WWP1: variants seen among roughly 807,000 people sequenced by gnomAD.
The protein encoded by WWP1 is NEDD4-like E3 ubiquitin-protein ligase WWP1.
A neutral mutation model predicts 130.6 loss-of-function variants in WWP1; 49 were observed. The ratio of observed to expected loss-of-function variants is 0.38; its 90% confidence interval spans 0.30 to 0.48. The LOEUF is 0.48. Ranked by LOEUF, WWP1 falls within the 20% of genes least tolerant of loss-of-function variation. The pLI is 0.99. For missense variants in WWP1, 809 were observed against 1,100.6 expected (o/e 0.74, Z 3.75); for synonymous variants, 332 against 367.8 (o/e 0.90, Z 1.11).
intron 1 of WWP1, among the ~76,000 whole-genome samples, chr8:86,364,135 GA>G (rs1444251653): frequency 2.6e-5 from 4 of 152,176 alleles, no homozygotes; most frequent in Non-Finnish European, 4.4e-5. Context: ...TACTTGATTA[GA>G]ATTAATGAGA....
chr8:86,446,992 A>G (rs905165986), intron 18 of WWP1, among the ~76,000 whole-genome samples: 4 of 152,190 alleles, frequency 2.6e-5, no homozygotes, highest in African/African-American at 9.7e-5. Context: ...AACTCAGAAT[A>G]AGGAGTGGGG....
At chr8:86,361,759 C>T (rs1164502930) in intron 1 of WWP1, among the ~76,000 whole-genome samples, 3 of 151,934 alleles carry the variant, frequency 2.0e-5, no homozygotes, top group East Asian at 3.9e-4. Flanking sequence ...TTCCTGACAA[C>T]TCTTTACCTC....
At chr8:86,461,895 T>C (rs766234983) in intron 24 of WWP1, 49 bp downstream of exon 24, 1 of 1,490,402 alleles carries the variant, frequency 6.7e-7, no homozygotes, top group East Asian at 2.3e-5. Flanking sequence ...AGAGAATCTT[T>C]TGTTTTGTTT....
At chr8:86,459,844 C>T (rs1447308165) in intron 22 of WWP1, among the ~76,000 whole-genome samples, 1 of 152,140 alleles carries the variant, frequency 6.6e-6, no homozygotes, top group Admixed American at 6.5e-5. Context: ...ATGAATACTT[C>T]TGTTTTCTGA....
intron 3 of WWP1, 32 bp downstream of exon 3, chr8:86,374,152 C>T (rs751958525): frequency 2.0e-6 from 3 of 1,537,358 alleles, no homozygotes; most frequent in Non-Finnish European, 2.7e-6. Context: ...TATGGTGATT[C>T]CCTGATGAAC....
chr8:86,411,363 A>G (rs1463876044), intron 8 of WWP1, among the ~76,000 whole-genome samples, 175 bp from the exon 9 acceptor site: 1 of 152,116 alleles, frequency 6.6e-6, no homozygotes, highest in East Asian at 1.9e-4. Flanking sequence ...CAAAAATAAA[A>G]TCTCCATTTT....
chr8:86,433,190 A>G (rs1244668362), intron 14 of WWP1, among the ~76,000 whole-genome samples: 2 of 143,524 alleles, frequency 1.4e-5, no homozygotes, highest in African/African-American at 2.6e-5. Flanking sequence ...CTGTTCTTCT[A>G]TCTTTATTTT....
intron 5 of WWP1, among the ~76,000 whole-genome samples, chr8:86,391,192 C>T (rs775685299): frequency 1.3e-5 from 2 of 152,158 alleles, no homozygotes; most frequent in African/African-American, 2.4e-5. Flanking sequence ...CACATTTAAG[C>T]CCTAGTGAGC....
rs1422964603 is a variant in WWP1, at chr8:86,458,097, G to C, written c.2499+72G>C. 5 of 1,272,882 alleles carry C rather than the reference G, an allele frequency of 3.9e-6. No individual in the cohort carries two copies. In the East Asian group the frequency reaches 7.3e-5, roughly 19 times the overall value. The allele number at this position is 1,272,882 out of a possible 1,614,324, so 78.8% of individuals were successfully genotyped here. A position where few individuals can be genotyped will look rare whatever the true frequency, so the allele number is the denominator to read the frequency against. ...TAATGAAATGGTGGTTTTAAAAATA[G>C]CTTATTATTTTTAATTGAGACTGCT... On this transcript the variant is annotated intron_variant, in intron 22 of 24. Transcript: ENST00000517970.
chr8:86,387,402 C>A (rs1317505951), intron 5 of WWP1, among the ~76,000 whole-genome samples: 1 of 152,062 alleles, frequency 6.6e-6, no homozygotes, highest in African/African-American at 2.4e-5. Context: ...TTGTCTTGAC[C>A]ATAATCTTGA....
At chr8:86,389,869 C>T (rs955205383) in intron 5 of WWP1, among the ~76,000 whole-genome samples, 4 of 151,156 alleles carry the variant, frequency 2.6e-5, no homozygotes, top group Non-Finnish European at 4.4e-5. Flanking sequence ...GGCGGCTGGC[C>T]GGGCGGGGGC....
At chr8:86,366,608 A>G (rs369920628) in intron 1 of WWP1, among the ~76,000 whole-genome samples, 1 of 152,180 alleles carries the variant, frequency 6.6e-6, no homozygotes, top group Admixed American at 6.5e-5. Flanking sequence ...CATGGAAATG[A>G]AAAATCTAAC....
intron 5 of WWP1, among the ~76,000 whole-genome samples, chr8:86,388,630 G>C (rs909947457): frequency 2.0e-5 from 3 of 151,812 alleles, no homozygotes; most frequent in Non-Finnish European, 4.4e-5. Context: ...GATACTGTTA[G>C]TCATTCATTT....
intron 5 of WWP1, among the ~76,000 whole-genome samples, chr8:86,384,588 C>T (rs1825174668): frequency 6.6e-6 from 1 of 152,108 alleles, no homozygotes; most frequent in Admixed American, 6.5e-5. Flanking sequence ...TAAATGATAG[C>T]ATTCTTGGTT....
At chr8:86,456,412 G>T (rs906307602) in intron 21 of WWP1, among the ~76,000 whole-genome samples, 1 of 151,822 alleles carries the variant, frequency 6.6e-6, no homozygotes, top group Non-Finnish European at 1.5e-5. Context: ...AAAAAGATAA[G>T]AAAACATTTT....
chr8:86,402,004 C>T lies in WWP1; in HGVS notation c.540-15C>T. ...TTATACTTAAATGATTGAAATAAGG[C>T]ATTTTTTTTTCAAGGTTGGCTGTTG... is the stretch of plus-strand genomic sequence containing the variant. On this transcript the variant is annotated splice_polypyrimidine_tract_variant and intron_variant, in intron 7 of 24. Coordinates refer to ENST00000517970, the MANE Select transcript of WWP1 (RefSeq NM_007013.4). The T allele has an allele frequency of 6.5e-7, 1 of 1,535,228 alleles. No homozygotes were observed. Among genetic ancestry groups the T allele is most frequent in the African/African-American group, 1.4e-5 (1 of 71,782 alleles).
Position 86,431,717 on chromosome 8 carries a change from A to G in WWP1, c.1575A>G (p.Lys525=), listed in dbSNP as rs1314566886. Residue 525 remains lysine (K), a synonymous_variant, in exon 14 of 25, where the codon AAA becomes AAG. Transcript: ENST00000517970. ...VDHNTRTTTF[K]DPRNGKSSVT... ...ATAACACAAGAACAACAACATTCAAAGATCCTCGCAATGGGAAGTCATCTG... is the reference window on the plus strand; with the variant it reads ...ATAACACAAGAACAACAACATTCAAGGATCCTCGCAATGGGAAGTCATCTG... 20 of 1,613,942 alleles carry G rather than the reference A, an allele frequency of 1.2e-5. No individual in the cohort carries two copies. The highest frequency in any genetic ancestry group is 1.7e-5 in the Non-Finnish European group (20 of 1,179,898).
chr8:86,382,528 G>A (rs762360380), intron 5 of WWP1, among the ~76,000 whole-genome samples: 2 of 152,058 alleles, frequency 1.3e-5, no homozygotes, highest in Non-Finnish European at 2.9e-5. Flanking sequence ...GTGAAACCTC[G>A]CCTCTACTAA....
rs1309201981 is a variant in WWP1, at chr8:86,425,263, G to A, written c.1102G>A (p.Val368Met). The change falls in exon 10 of 25, where the codon GTG (valine) becomes ATG (methionine). Residue 368 changes from valine (V) to methionine (M), a missense_variant. Val to Met is a conservative substitution (Grantham distance 21). This residue lies in a region of WWP1 where 450 missense variants were observed against 674.2 expected (regional missense o/e 0.67). Coordinates refer to ENST00000517970, the MANE Select transcript of WWP1 (RefSeq NM_007013.4). ...RKDPHGRTYY[V>M]DHNTRTTTWE... ...AGATCCTCATGGTAGAACCTATTAT[G>A]TGGATCATAATACTCGAACTACCAC... 1 of 1,613,128 alleles carries A rather than the reference G, an allele frequency of 6.2e-7. No homozygotes were observed. Among genetic ancestry groups the A allele is most frequent in the African/African-American group, 1.3e-5 (1 of 74,886 alleles).
Sources: allele counts gnomAD v4.1 joint callset (sites outside exome capture counted in the v4.1 genomes callset), GRCh38; gene constraint gnomAD v4.1.1; regional missense constraint gnomAD v4.1.1; transcripts MANE v1.5; gene names NCBI Gene and HGNC (gene_info 2026-07-23, HGNC 2026-07-21).